The following MAP1B variants were observed in gnomAD, a reference collection of about 807,000 sequenced individuals.
MAP1B encodes the protein microtubule-associated protein 1B.
Under a neutral mutation model 176.1 loss-of-function variants are expected in MAP1B, and 12 were observed. The observed-to-expected ratio is 0.07, with a 90% CI of 0.04 to 0.11. The LOEUF is 0.11. Ranked by LOEUF, MAP1B falls within the 10% of genes least tolerant of loss-of-function variation. The probability of loss-of-function intolerance (pLI) is 1.00; values close to 1 mark genes in which losing one functional copy is unlikely to be tolerated. For missense variants in MAP1B, 2,523 were observed against 2,990.5 expected (o/e 0.84, Z 3.65); for synonymous variants, 1,044 against 1,135.0 (o/e 0.92, Z 1.61).
At position 72,207,862 on chromosome 5, in the gene MAP1B, G is replaced by C. The variant is rs1038498197; in HGVS notation, c.*2623G>C. 6.6e-6 allele frequency: 1 copy of C among 151,270 alleles called. No individual in the cohort carries two copies. The highest frequency in any genetic ancestry group is 1.5e-5 in the Non-Finnish European group (1 of 67,934). The allele number at this position is 151,270 out of a possible 1,614,324, so 9.4% of individuals were successfully genotyped here. Reference sequence around the variant, plus strand: ...TTTCACAATTAAATGTATTTAACCTGAACATTATTTTGCTTTAAAAACTAT... The same window carrying C: ...TTTCACAATTAAATGTATTTAACCTCAACATTATTTTGCTTTAAAAACTAT... On this transcript the variant is annotated 3_prime_UTR_variant, in exon 7 of 7. Coordinates refer to ENST00000296755, the MANE Select transcript of MAP1B (RefSeq NM_005909.5).
intron 2 of MAP1B, among the ~76,000 whole-genome samples, chr5:72,173,048 C>T (rs557140447): frequency 3.9e-5 from 6 of 152,198 alleles, no homozygotes; most frequent in Non-Finnish European, 8.8e-5. Context: ...CTAATGCAGA[C>T]CGTTGGGCTG....
chr5:72,124,824 A>G (rs1042289775), intron 2 of MAP1B, among the ~76,000 whole-genome samples: 10 of 152,240 alleles, frequency 6.6e-5, no homozygotes, highest in African/African-American at 2.2e-4. Context: ...AGGAACAGCT[A>G]TTCCCCTGAG....
At position 72,208,830 on chromosome 5, in the gene MAP1B, T is replaced by C. The variant is rs1039518177; in HGVS notation, c.*3591T>C. The C allele has an allele frequency of 6.6e-6, 1 of 152,190 alleles. No homozygotes were observed. The highest frequency in any genetic ancestry group is 1.5e-5 in the Non-Finnish European group (1 of 68,022). The allele number at this position is 152,190 out of a possible 1,614,324, so 9.4% of individuals were successfully genotyped here. A position where few individuals can be genotyped will look rare whatever the true frequency, so the allele number is the denominator to read the frequency against. On this transcript the variant is annotated 3_prime_UTR_variant, in exon 7 of 7. Coordinates refer to ENST00000296755, the MANE Select transcript of MAP1B (RefSeq NM_005909.5). ...ATTCTGAATTTGCTTTTCTTGCCTC[T>C]CTTTAGTCACCTGTCACAGGAGGTT...
intron 2 of MAP1B, among the ~76,000 whole-genome samples, chr5:72,182,456 C>T (rs1410507409): frequency 6.6e-6 from 1 of 152,162 alleles, no homozygotes; most frequent in Admixed American, 6.5e-5. Flanking sequence ...TGATATACCA[C>T]ATTTTACCCA....
chr5:72,193,784 CAT>C, intron 4 of MAP1B, 80 bp from the exon 5 acceptor site: 1 of 1,417,902 alleles, frequency 7.1e-7, no homozygotes, highest in South Asian at 1.4e-5. Flanking sequence ...TCCTGTAACA[CAT>C]AGTTATAGCT....
Position 72,204,054 on chromosome 5 carries a change from A to G in MAP1B, c.7251+253A>G, listed in dbSNP as rs1747390851. ...AGACACCTTAACTAAAGCAGAAACCATTTATCTGCAAAATGGGCCTAAGAT... is the reference window on the plus strand; with the variant it reads ...AGACACCTTAACTAAAGCAGAAACCGTTTATCTGCAAAATGGGCCTAAGAT... On this transcript the variant is annotated intron_variant, in intron 6 of 6. Transcript: ENST00000296755. The surrounding 1 kb of genome is among the most constrained non-coding windows in gnomAD (Gnocchi z 4.4). Among the ~76,000 whole-genome samples the G allele has an allele frequency of 2.0e-5, 3 of 152,162 alleles. No homozygotes were observed. Among genetic ancestry groups the G allele is most frequent in the East Asian group, 3.8e-4 (2 of 5,200 alleles).
chr5:72,175,150 A>G (rs1408881411), intron 2 of MAP1B, among the ~76,000 whole-genome samples: 1 of 149,720 alleles, frequency 6.7e-6, no homozygotes, highest in Non-Finnish European at 1.5e-5. Flanking sequence ...CTACAGCCTC[A>G]ACCTCCTGGG....
Position 72,193,964 on chromosome 5 carries a change from A to C in MAP1B, c.609A>C (p.Arg203Ser). Residue 203 changes from arginine (R) to serine (S), a missense_variant, in exon 5 of 7, where the codon AGA (arginine) becomes AGC (serine). Physicochemically the swap from Arg to Ser is moderately radical, Grantham distance 110 (BLOSUM62 -1). Coordinates refer to ENST00000296755, the MANE Select transcript of MAP1B (RefSeq NM_005909.5). ...ACTGGAAGAACTCCAATCTTGACAG[A>C]CACAATCTCCAAGACTTCATCAATA... Reference protein sequence around the residue: ...EGDWKNSNLDRHNLQDFINIK... With the variant: ...EGDWKNSNLDSHNLQDFINIK... 6.2e-7 allele frequency: 1 copy of C among 1,614,224 alleles called. No individual in the cohort carries two copies. The highest frequency in any genetic ancestry group is 1.7e-5 in the Admixed American group (1 of 60,036).
chr5:72,168,686 A>G (rs1746479941), intron 2 of MAP1B, among the ~76,000 whole-genome samples: 1 of 152,230 alleles, frequency 6.6e-6, no homozygotes, highest in African/African-American at 2.4e-5. Flanking sequence ...TTAAACTAAA[A>G]TTTCAGTCTT....
chr5:72,193,871 G>A lies in MAP1B; in HGVS notation c.516G>A (p.Gly172=). ...FIEIFTDQEI[G]ELLSTTHPAN... ...TTTCTTTCTTTAAAACCCAGATCGG[G>A]GAGTTACTAAGCACCACCCATCCTG... The change falls in exon 5 of 7, where the codon GGG becomes GGA. Residue 172 remains glycine, a synonymous_variant. Transcript: ENST00000296755. 1 of 1,581,248 alleles carries A rather than the reference G, an allele frequency of 6.3e-7. No individual in the cohort carries two copies. Among genetic ancestry groups the A allele is most frequent in the South Asian group, 1.2e-5 (1 of 84,842 alleles).
intron 2 of MAP1B, among the ~76,000 whole-genome samples, chr5:72,137,480 T>C (rs1248431232): frequency 1.3e-5 from 2 of 152,220 alleles, no homozygotes; most frequent in Non-Finnish European, 2.9e-5. Flanking sequence ...CAGAATTAAA[T>C]GGCAGGAGCT....
intron 2 of MAP1B, among the ~76,000 whole-genome samples, chr5:72,129,289 C>T (rs188319459): frequency 6.6e-6 from 1 of 152,294 alleles, no homozygotes; most frequent in East Asian, 1.9e-4. Context: ...GGTGTGGTGG[C>T]TCACGCCTGT....
At chr5:72,189,137 A>G (rs1746971888) in intron 4 of MAP1B, among the ~76,000 whole-genome samples, 3 of 152,238 alleles carry the variant, frequency 2.0e-5, no homozygotes, top group Admixed American at 2.0e-4. Flanking sequence ...CTTTTTAAAA[A>G]ATATAAGAAC....
At position 72,197,471 on chromosome 5, in the gene MAP1B, T is replaced by A. The variant is rs932899708; in HGVS notation, c.4116T>A (p.Asn1372Lys). ...AATTCAGTGATGCCAAAGATGAGAA[T>A]GAAAGGGCTTCAGTAAGCCCCATGG... ...SFEFSDAKDE[N>K]ERASVSPMDE... Residue 1372 changes from asparagine to lysine, a missense_variant, in exon 5 of 7, where the codon AAT becomes AAA. By Grantham distance (94) the Asn-to-Lys change is moderately conservative (BLOSUM62 0). Around this residue, in one of 4 missense-constraint regions of MAP1B, gnomAD observed 1,925 missense variants for 2,126.0 expected, o/e 0.91. Coordinates refer to ENST00000296755, the MANE Select transcript of MAP1B (RefSeq NM_005909.5). The A allele has an allele frequency of 5.0e-6, 8 of 1,614,016 alleles. No homozygotes were observed. Among genetic ancestry groups the A allele is most frequent in the Non-Finnish European group, 6.8e-6 (8 of 1,180,030 alleles).
At chr5:72,112,156 GA>G (rs1455491805) in intron 1 of MAP1B, among the ~76,000 whole-genome samples, 1 of 151,942 alleles carries the variant, frequency 6.6e-6, no homozygotes, top group East Asian at 1.9e-4. Flanking sequence ...TAGGTACTTG[GA>G]AAAAATATCC....
At position 72,199,341 on chromosome 5, in the gene MAP1B, G is replaced by T; in HGVS notation, c.5986G>T (p.Asp1996Tyr). The T allele has an allele frequency of 1.9e-6, 3 of 1,614,146 alleles. No homozygotes were observed. Among genetic ancestry groups the T allele is most frequent in the African/African-American group, 2.7e-5 (2 of 75,030 alleles). ...DISNGYDDSE[D>Y]GGHTLGDPSY... is the part of the protein sequence containing the mutation. ...CAGCAATGGCTATGATGACTCTGAGGATGGTGGCCACACACTTGGGGACCC... is the reference window on the plus strand; with the variant it reads ...CAGCAATGGCTATGATGACTCTGAGTATGGTGGCCACACACTTGGGGACCC... Residue 1996 changes from aspartate to tyrosine, a missense_variant, in exon 5 of 7, where the codon GAT (aspartate) becomes TAT (tyrosine). By Grantham distance (160) the Asp-to-Tyr change is radical (BLOSUM62 -3). This residue lies in a region of MAP1B where 1,925 missense variants were observed against 2,126.0 expected (regional missense o/e 0.91). Coordinates refer to ENST00000296755, the MANE Select transcript of MAP1B (RefSeq NM_005909.5). This position sits in a 1 kb window ranked among gnomAD's most constrained non-coding sequence, Gnocchi z 4.2.
intron 2 of MAP1B, among the ~76,000 whole-genome samples, chr5:72,170,039 CA>C (rs1228060771): frequency 6.6e-6 from 1 of 152,132 alleles, no homozygotes; most frequent in African/African-American, 2.4e-5. Flanking sequence ...CCCACTAGGG[CA>C]AAAAATGAAT....
At chr5:72,170,271 A>C (rs1746510657) in intron 2 of MAP1B, among the ~76,000 whole-genome samples, 2 of 152,172 alleles carry the variant, frequency 1.3e-5, no homozygotes, top group African/African-American at 2.4e-5. Flanking sequence ...GATTCTCCAT[A>C]GGCCTGAGTC....
chr5:72,127,650 T>C (rs909445734), intron 2 of MAP1B, among the ~76,000 whole-genome samples: 1 of 152,210 alleles, frequency 6.6e-6, no homozygotes, highest in African/African-American at 2.4e-5. Context: ...ATTATGTGTT[T>C]ACAACAAAGC....
Sources: allele counts gnomAD v4.1 joint callset (sites outside exome capture counted in the v4.1 genomes callset), GRCh38; gene constraint gnomAD v4.1.1; regional missense constraint gnomAD v4.1.1; non-coding constraint Gnocchi (gnomAD v3.1); transcripts MANE v1.5; gene names NCBI Gene and HGNC (gene_info 2026-07-23, HGNC 2026-07-21).